DIPK1B: variants seen among roughly 807,000 people sequenced by gnomAD.
DIPK1B encodes family with sequence similarity 69 member B.
In DIPK1B, 17 loss-of-function variants were observed where a neutral mutation model predicts 20.7. The ratio of observed to expected loss-of-function variants is 0.82; its 90% CI spans 0.56 to 1.23. The LOEUF is 1.23. Among genes scored for constraint, DIPK1B ranks in the 50% most tolerant of loss-of-function variants. The pLI is 0.00. For missense variants in DIPK1B, 648 were observed against 601.8 expected (o/e 1.08, Z -0.80); for synonymous variants, 343 against 276.5 (o/e 1.24, Z -2.39).
At chr9:136,722,689 GCCCAGGTGCCCACCCCCGAGCTC>G (rs1846626691) in intron 4 of DIPK1B, 2 of 579,702 alleles carry the variant, frequency 3.5e-6, no homozygotes, top group South Asian at 2.2e-5. Flanking sequence ...AGGCTTCTCT[GCCCAGGTGCCCACCCCCGAGCTC>G]CCCAGGTGCA....
chr9:136,715,517 CTTT>C (rs113806770), intron 1 of DIPK1B, among the ~76,000 whole-genome samples: 1 of 144,266 alleles, frequency 6.9e-6, no homozygotes. Flanking sequence ...TGCCTGCTTA[CTTT>C]TTTTTTTTTT....
At position 136,723,860 on chromosome 9, in the gene DIPK1B, T is replaced by G; in HGVS notation, c.*86T>G. On this transcript the variant is annotated 3_prime_UTR_variant, in exon 5 of 5. Transcript: ENST00000371692. ...TCCCTCAAGGAATCCTGTCAGAAGA[T>G]GTGAAATGCAACTGTGTTGCAAAAT... The G allele has an allele frequency of 7.4e-7, 1 of 1,357,916 alleles. No homozygotes were observed. Among genetic ancestry groups the G allele is most frequent in the Non-Finnish European group, 9.9e-7 (1 of 1,010,260 alleles). 84.1% of individuals were successfully genotyped at this position (1,357,916 alleles called of 1,614,324 possible).
At chr9:136,716,820 C>T (rs1281793565) in intron 1 of DIPK1B, among the ~76,000 whole-genome samples, 1 of 152,118 alleles carries the variant, frequency 6.6e-6, no homozygotes, top group South Asian at 2.1e-4. Context: ...ATCTGCATTA[C>T]GGTGGACGGT....
At chr9:136,719,361 C>A (rs544469501) in intron 2 of DIPK1B, among the ~76,000 whole-genome samples, 3 of 152,176 alleles carry the variant, frequency 2.0e-5, no homozygotes, top group Non-Finnish European at 4.4e-5. Flanking sequence ...CCAGCTCTCC[C>A]GAAGCCACCC....
At chr9:136,713,301 A>G (rs1235065441) in intron 1 of DIPK1B, among the ~76,000 whole-genome samples, 1 of 152,116 alleles carries the variant, frequency 6.6e-6, no homozygotes, top group African/African-American at 2.4e-5. Context: ...GGCCAGGCCC[A>G]TCAGGCTCCA....
chr9:136,718,104 GAGA>G (rs1846528020), intron 2 of DIPK1B, among the ~76,000 whole-genome samples: 15 of 28,908 alleles, frequency 5.2e-4, no homozygotes, highest in East Asian at 2.2e-3. Context: ...GGATGGGATA[GAGA>G]CCCCCGTGTG....
rs202217974 is a variant in DIPK1B, at chr9:136,719,743, G to GAGCCCC, written c.198+2049_198+2054dup. Among the ~76,000 whole-genome samples the GAGCCCC allele has an allele frequency of 1.1e-4, 16 of 152,328 alleles. No individual in the cohort carries two copies. In the East Asian group the frequency reaches 1.9e-3, roughly 18 times the overall value. ...ATCTCCCCACCCCTGGGGGACCCTG[G>GAGCCCC]AGCCCCAGCCCCAGCCCCAGCCTGG... On this transcript the variant is annotated intron_variant, in intron 2 of 4. Coordinates refer to ENST00000371692, the MANE Select transcript of DIPK1B (RefSeq NM_152421.4).
intron 1 of DIPK1B, among the ~76,000 whole-genome samples, chr9:136,713,919 A>G (rs981986665): frequency 1.3e-5 from 2 of 152,202 alleles, no homozygotes; most frequent in Non-Finnish European, 2.9e-5. Context: ...GCTGAGGACC[A>G]CTGTGCTGTT....
chr9:136,713,200 C>T (rs1193746165), intron 1 of DIPK1B, among the ~76,000 whole-genome samples: 2 of 152,136 alleles, frequency 1.3e-5, no homozygotes, highest in Non-Finnish European at 2.9e-5. Flanking sequence ...CCGTCCCCTC[C>T]AGGGGCCTGG....
rs1336000049 is a variant in DIPK1B, at chr9:136,723,991, G to T, written c.*217G>T. The T allele has an allele frequency of 3.4e-6, 2 of 594,230 alleles. No individual in the cohort carries two copies. Among genetic ancestry groups the T allele is most frequent in the Non-Finnish European group, 6.0e-6 (2 of 335,490 alleles). 36.8% of individuals were successfully genotyped at this position (594,230 alleles called of 1,614,324 possible). On this transcript the variant is annotated 3_prime_UTR_variant, in exon 5 of 5. Transcript: ENST00000371692. Reference sequence around the variant, plus strand: ...CCCGGCAGGAGAGTCCTCCAAGGGGGTTTGTTACTCTGAAGAACGTAATGT... The same window carrying T: ...CCCGGCAGGAGAGTCCTCCAAGGGGTTTTGTTACTCTGAAGAACGTAATGT...
Position 136,721,808 on chromosome 9 carries a change from G to A in DIPK1B, c.199-113G>A, listed in dbSNP as rs1382021270. 6.6e-6 allele frequency: 6 copies of A among 905,514 alleles called. No homozygotes were observed. In the South Asian group the frequency reaches 7.7e-5, roughly 12 times the overall value. 56.1% of individuals were successfully genotyped at this position (905,514 alleles called of 1,614,324 possible). Reference sequence around the variant, plus strand: ...GCACTGCCTGTGTGAGGGGCTGGCAGCTTTCCAACTGCAGCAAGTGGAGGC... The same window carrying A: ...GCACTGCCTGTGTGAGGGGCTGGCAACTTTCCAACTGCAGCAAGTGGAGGC... On this transcript the variant is annotated intron_variant, in intron 2 of 4. Transcript: ENST00000371692.
chr9:136,717,748 G>A, intron 2 of DIPK1B, 37 bp downstream of exon 2: 1 of 1,606,008 alleles, frequency 6.2e-7, no homozygotes. Context: ...ACTGGGCCGT[G>A]CCCCCTGCTG....
At chr9:136,714,623 C>G (rs968510) in intron 1 of DIPK1B, among the ~76,000 whole-genome samples, 9,718 of 152,336 alleles carry the variant, frequency 0.064, 547 homozygotes, top group African/African-American at 0.14. Context: ...ACCCACCCCC[C>G]ATTGTTTCTC....
chr9:136,713,514 C>A, intron 1 of DIPK1B, among the ~76,000 whole-genome samples: 1 of 152,192 alleles, frequency 6.6e-6, no homozygotes, highest in South Asian at 2.1e-4. Context: ...CTGGGAAGAG[C>A]GTATGGAACC....
chr9:136,714,609 C>A (rs765560029), intron 1 of DIPK1B, among the ~76,000 whole-genome samples: 2 of 152,240 alleles, frequency 1.3e-5, no homozygotes, highest in Non-Finnish European at 2.9e-5. Flanking sequence ...CCTGCCAGAA[C>A]AACACCCACC....
chr9:136,722,299 A>G lies in DIPK1B; in HGVS notation c.481A>G (p.Lys161Glu), dbSNP rs569471369. ...EFREMTLSFL[K>E]ANLGDLPSLP... ...CCGGGAGATGACCCTCAGCTTCCTC[A>G]AGGTCAGGCAGCTCTCCTAGGGGGC... The change falls in exon 4 of 5, where the codon AAG (lysine) becomes GAG (glutamate). Residue 161 changes from lysine (K) to glutamate (E), a missense_variant and splice_region_variant. Lys to Glu is a moderately conservative substitution (Grantham distance 56). Transcript: ENST00000371692. The G allele has an allele frequency of 1.2e-6, 2 of 1,611,440 alleles. No individual in the cohort carries two copies. Among genetic ancestry groups the G allele is most frequent in the South Asian group, 2.2e-5 (2 of 90,740 alleles).
intron 2 of DIPK1B, among the ~76,000 whole-genome samples, chr9:136,719,538 A>G (rs929729365): frequency 3.3e-5 from 5 of 152,222 alleles, no homozygotes; most frequent in Non-Finnish European, 7.4e-5. Context: ...CGAGGCCAAG[A>G]ACTAGACCGT....
Position 136,723,052 on chromosome 9 carries a change from G to A in DIPK1B, c.574G>A (p.Ala192Thr). The change falls in exon 5 of 5, where the codon GCG becomes ACG. Residue 192 changes from alanine to threonine, a missense_variant. Physicochemically the swap from Ala to Thr is moderately conservative, Grantham distance 58. Transcript: ENST00000371692. ...CAACAAGGACAACCGGGTGTCCCTG[G>A]CGGAAGCCAAGTCCGTGTGGGCCCT... ...DFNKDNRVSL[A>T]EAKSVWALLQ... 1 of 1,613,530 alleles carries A rather than the reference G, an allele frequency of 6.2e-7. No homozygotes were observed. The highest frequency in any genetic ancestry group is 8.5e-7 in the Non-Finnish European group (1 of 1,180,044).
rs774837347 is a variant in DIPK1B, at chr9:136,723,621, G to T, written c.1143G>T (p.Ala381=). ...ALLRGYLLPG[A]PADLREELGT... is the part of the protein sequence containing the mutation. ...TACGGGGCTACCTGCTGCCTGGCGC[G>T]CCCGCCGACCTCCGCGAGGAGCTGG... is the stretch of plus-strand genomic sequence containing the variant. Residue 381 remains alanine, a synonymous_variant, in exon 5 of 5, where the codon GCG becomes GCT. Transcript: ENST00000371692. 1.3e-6 allele frequency: 2 copies of T among 1,578,542 alleles called. No homozygotes were observed. Among genetic ancestry groups the T allele is most frequent in the Non-Finnish European group, 8.6e-7 (1 of 1,164,828 alleles).
Sources: allele counts gnomAD v4.1 joint callset (sites outside exome capture counted in the v4.1 genomes callset), GRCh38; gene constraint gnomAD v4.1.1; transcripts MANE v1.5; gene names NCBI Gene and HGNC (gene_info 2026-07-23, HGNC 2026-07-21).